WDR72: variants seen among roughly 807,000 people sequenced by gnomAD.
The protein encoded by WDR72 is WD repeat domain 72.
A neutral mutation model predicts 124.2 loss-of-function variants in WDR72; 120 were observed. The observed-to-expected ratio is 0.97, with a 90% confidence interval of 0.83 to 1.12. The LOEUF (loss-of-function observed/expected upper bound fraction) is 1.12, where lower values mean the gene tolerates loss of function less well. WDR72 is among the 50% of genes most tolerant of loss of function. The pLI, the probability that WDR72 is intolerant of heterozygous loss-of-function variation, is 0.00. For synonymous variants in WDR72, 452 were observed against 441.7 expected (o/e 1.02, Z -0.29); for missense variants, 1,387 against 1,278.8 (o/e 1.08, Z -1.29).
intron 18 of WDR72, among the ~76,000 whole-genome samples, chr15:53,567,026 G>A (rs1419316149): frequency 1.3e-5 from 2 of 151,940 alleles, no homozygotes; most frequent in Non-Finnish European, 2.9e-5. Flanking sequence ...AACCGTTGCA[G>A]TCCCAGGAGA....
intron 14 of WDR72, among the ~76,000 whole-genome samples, chr15:53,628,514 G>A (rs537284793): frequency 3.2e-4 from 49 of 151,992 alleles, no homozygotes; most frequent in African/African-American, 8.9e-4. Flanking sequence ...TTCTTGATGC[G>A]GAAAATTTTC....
At chr15:53,732,832 A>G (rs1432251155) in intron 2 of WDR72, among the ~76,000 whole-genome samples, 165 bp downstream of exon 2, 1 of 152,228 alleles carries the variant, frequency 6.6e-6, no homozygotes, top group African/African-American at 2.4e-5. Flanking sequence ...GATCAATCAT[A>G]TAATACTTTA....
At chr15:53,528,763 G>C (rs955136408) in intron 18 of WDR72, among the ~76,000 whole-genome samples, 1 of 151,934 alleles carries the variant, frequency 6.6e-6, no homozygotes, top group East Asian at 1.9e-4. Flanking sequence ...AGTATGGCTA[G>C]ACCCCCAGCC....
At chr15:53,694,950 A>G (rs10083695) in intron 13 of WDR72, among the ~76,000 whole-genome samples, 53,060 of 152,100 alleles carry the variant, frequency 0.35, 11,589 homozygotes, top group Middle Eastern at 0.6. Flanking sequence ...TTATTGGAAC[A>G]CAGCGTCACC....
At chr15:53,695,076 A>T (rs1455868597) in intron 13 of WDR72, among the ~76,000 whole-genome samples, 1 of 152,218 alleles carries the variant, frequency 6.6e-6, no homozygotes, top group Non-Finnish European at 1.5e-5. Flanking sequence ...AGCCCTCTAC[A>T]GAAAAAAGTG....
intron 13 of WDR72, among the ~76,000 whole-genome samples, chr15:53,682,250 T>C (rs1055571856): frequency 6.6e-6 from 1 of 152,178 alleles, no homozygotes. Flanking sequence ...TTACATAATT[T>C]CACCAAAGTG....
chr15:53,562,143 G>A (rs1210628682), intron 18 of WDR72, among the ~76,000 whole-genome samples: 1 of 151,734 alleles, frequency 6.6e-6, no homozygotes, highest in African/African-American at 2.4e-5. Context: ...CTGAGACCAG[G>A]AGGGGTTGAA....
chr15:53,730,138 C>T (rs941050097), intron 2 of WDR72, among the ~76,000 whole-genome samples: 1 of 151,970 alleles, frequency 6.6e-6, no homozygotes, highest in African/African-American at 2.4e-5. Flanking sequence ...CATAGATGAA[C>T]AGATAAACAA....
intron 18 of WDR72, among the ~76,000 whole-genome samples, chr15:53,556,498 GAACT>G (rs558190703): frequency 5.2e-4 from 79 of 152,204 alleles, no homozygotes; most frequent in African/African-American, 1.9e-3. Context: ...TGGATGGATG[GAACT>G]GACTTATCAA....
intron 13 of WDR72, among the ~76,000 whole-genome samples, chr15:53,681,765 A>C (rs185230333): frequency 1.5e-3 from 227 of 152,278 alleles, no homozygotes; most frequent in African/African-American, 5.4e-3. Flanking sequence ...TACCACAATA[A>C]TATGCCTAAT....
At chr15:53,707,694 C>T (rs998887815) in intron 9 of WDR72, among the ~76,000 whole-genome samples, 14 of 152,188 alleles carry the variant, frequency 9.2e-5, no homozygotes, top group Admixed American at 1.3e-4. Context: ...GATCCACCCA[C>T]CTCGGCCTCC....
chr15:53,685,649 C>T (rs1204318174), intron 13 of WDR72, among the ~76,000 whole-genome samples: 1 of 150,914 alleles, frequency 6.6e-6, no homozygotes, highest in Non-Finnish European at 1.5e-5. Context: ...AGGATATTAT[C>T]CAGGAGAACT....
In WDR72 at chr15:53,714,457, A is replaced by C; in HGVS notation, c.568T>G (p.Ser190Ala). The change falls in exon 6 of 20, where the codon TCC becomes GCC. Residue 190 changes from serine (S) to alanine (A), a missense_variant. Coordinates refer to ENST00000360509, the MANE Select transcript of WDR72 (RefSeq NM_182758.4). Reference sequence around the variant, plus strand: ...ACCTGAATGCTGTTGATAGATGAGGAAAGATCCCATACTTTGAGCTCACCA... The same window carrying C: ...ACCTGAATGCTGTTGATAGATGAGGCAAGATCCCATACTTTGAGCTCACCA... ...VAGELKVWDL[S>A]SSINSIQEKQ... 6.2e-7 allele frequency: 1 copy of C among 1,613,988 alleles called. No homozygotes were observed. Among genetic ancestry groups the C allele is most frequent in the African/African-American group, 1.3e-5 (1 of 75,036 alleles).
intron 14 of WDR72, 146 bp downstream of exon 14, chr15:53,665,426 A>T (rs2015743705): frequency 1.1e-6 from 1 of 879,862 alleles, no homozygotes; most frequent in Non-Finnish European, 1.8e-6. Context: ...AGTTATACTG[A>T]TTCACCCAAG....
Position 53,516,498 on chromosome 15 carries a change from T to C in WDR72, c.*1201A>G, listed in dbSNP as rs1443417170. 6.6e-6 allele frequency: 1 copy of C among 152,076 alleles called. No individual in the cohort carries two copies. The highest frequency in any genetic ancestry group is 2.4e-5 in the African/African-American group (1 of 41,434). The allele number at this position is 152,076 out of a possible 1,614,324, so 9.4% of individuals were successfully genotyped here. A position where few individuals can be genotyped will look rare whatever the true frequency, so the allele number is the denominator to read the frequency against. ...TTAGATACATACATAGATATAGCTA[T>C]ATATCATATATTTAATGCTTTATAT... On this transcript the variant is annotated 3_prime_UTR_variant, in exon 20 of 20. Transcript: ENST00000360509.
At chr15:53,742,605 T>C (rs2018538794) in intron 1 of WDR72, among the ~76,000 whole-genome samples, 1 of 152,058 alleles carries the variant, frequency 6.6e-6, no homozygotes, top group South Asian at 2.1e-4. Context: ...AAAATAAGTG[T>C]ACACTGAGAA....
chr15:53,691,777 T>C (rs1196572118), intron 13 of WDR72, among the ~76,000 whole-genome samples: 1 of 152,212 alleles, frequency 6.6e-6, no homozygotes, highest in Non-Finnish European at 1.5e-5. Context: ...ATGAGGAAAC[T>C]AGGGCTCTGG....
At chr15:53,679,714 G>C (rs1018598986) in intron 13 of WDR72, among the ~76,000 whole-genome samples, 6 of 152,308 alleles carry the variant, frequency 3.9e-5, no homozygotes, top group Non-Finnish European at 5.9e-5. Context: ...CAAAGATATA[G>C]AGTGGAGATG....
At chr15:53,619,729 G>A (rs1028423424) in intron 14 of WDR72, among the ~76,000 whole-genome samples, 1 of 152,110 alleles carries the variant, frequency 6.6e-6, no homozygotes, top group African/African-American at 2.4e-5. Context: ...AAACGTACCC[G>A]AGGATTAGCA....
Sources: gnomAD v4.1 joint callset for allele counts (sites outside exome capture counted in the v4.1 genomes callset) on GRCh38, gnomAD v4.1.1 for gene constraint, MANE v1.5 for transcripts, NCBI Gene and HGNC (gene_info 2026-07-23, HGNC 2026-07-21) for gene names.